LRRFIP1: variants seen among roughly 807,000 people sequenced by gnomAD.
LRRFIP1 encodes the protein leucine-rich repeat flightless-interacting protein 1.
LRRFIP1 carries 62 observed loss-of-function variants against 104.4 expected under a neutral mutation model. The observed-to-expected ratio is 0.59, with a 90% confidence interval of 0.48 to 0.73. LRRFIP1 has a LOEUF of 0.73. Among genes scored for constraint, LRRFIP1 ranks in the 30% least tolerant of loss-of-function variants. LRRFIP1 has a pLI of 0.00. For missense variants in LRRFIP1, 796 were observed against 824.5 expected (o/e 0.97, Z 0.42); for synonymous variants, 300 against 299.0 (o/e 1.00, Z -0.03).
intron 1 of LRRFIP1, chr2:237,692,424 C>T (rs557840859): frequency 6.7e-7 from 1 of 1,488,098 alleles, no homozygotes; most frequent in South Asian, 1.3e-5. Flanking sequence ...CCGAGCATTT[C>T]CCGCCGGGTG....
rs2095219355 is a variant in LRRFIP1 at position 237,735,622 on chromosome 2, C to T, written c.555+289C>T. On this transcript the variant is annotated intron_variant, in intron 10 of 23. Coordinates refer to ENST00000308482, the MANE Select transcript of LRRFIP1 (RefSeq NM_001137550.2). This position sits in a 1 kb window ranked among gnomAD's most constrained non-coding sequence, Gnocchi z 4.6. ...CCATACTAACAGGTGGTGAAACCGT[C>T]TTCGGTTAATAAAAACGGGAAAAGG... is the stretch of plus-strand genomic sequence containing the variant. The T allele has an allele frequency of 2.9e-6, 1 of 350,270 alleles. No homozygotes were observed. The highest frequency in any genetic ancestry group is 4.5e-5 in the Admixed American group (1 of 22,088). The allele number at this position is 350,270 out of a possible 1,614,324, so 21.7% of individuals were successfully genotyped here.
intron 1 of LRRFIP1, among the ~76,000 whole-genome samples, chr2:237,629,272 G>C (rs2082006385): frequency 6.6e-6 from 1 of 152,218 alleles, no homozygotes. Context: ...ATAGTAGCTT[G>C]AGTATAACTC....
intron 1 of LRRFIP1, among the ~76,000 whole-genome samples, chr2:237,688,703 CCCT>C (rs1394807560): frequency 6.6e-6 from 1 of 152,036 alleles, no homozygotes; most frequent in Non-Finnish European, 1.5e-5. Context: ...AGGTGATCCA[CCCT>C]CCTCGGCCTC....
intron 1 of LRRFIP1, among the ~76,000 whole-genome samples, chr2:237,674,630 G>T (rs1432262978): frequency 1.3e-5 from 2 of 152,246 alleles, no homozygotes; most frequent in Non-Finnish European, 2.9e-5. Flanking sequence ...TTGGGTCCAA[G>T]AATTCCCCCA....
At chr2:237,671,787 T>C (rs2090378094) in intron 1 of LRRFIP1, among the ~76,000 whole-genome samples, 2 of 151,388 alleles carry the variant, frequency 1.3e-5, no homozygotes, top group Admixed American at 1.3e-4. Context: ...CATGCCTGTG[T>C]GTGTGCAGGT....
At chr2:237,659,640 C>T (rs1025429600) in intron 1 of LRRFIP1, among the ~76,000 whole-genome samples, 1 of 147,460 alleles carries the variant, frequency 6.8e-6, no homozygotes, top group Admixed American at 6.8e-5. Flanking sequence ...TTTTTATATA[C>T]ATATAAATAT....
At chr2:237,748,143 C>A (rs1479783862) in intron 11 of LRRFIP1, among the ~76,000 whole-genome samples, 1 of 152,164 alleles carries the variant, frequency 6.6e-6, no homozygotes, top group Admixed American at 6.5e-5. Context: ...GAAGAGGGTC[C>A]TCAGGGACGT....
At chr2:237,743,034 A>AAC (rs1383997022) in intron 11 of LRRFIP1, among the ~76,000 whole-genome samples, 2 of 151,406 alleles carry the variant, frequency 1.3e-5, no homozygotes, top group African/African-American at 4.9e-5. Flanking sequence ...CAAAAAAACA[A>AAC]AAAAAAAACA....
intron 1 of LRRFIP1, among the ~76,000 whole-genome samples, chr2:237,640,821 C>T (rs186827140): frequency 6.6e-6 from 1 of 152,270 alleles, no homozygotes; most frequent in Non-Finnish European, 1.5e-5. Context: ...CTGTTCCCAG[C>T]GAGAGAAGCC....
At chr2:237,751,930 G>C (rs1381001921) in intron 14 of LRRFIP1, among the ~76,000 whole-genome samples, 2 of 152,194 alleles carry the variant, frequency 1.3e-5, no homozygotes, top group African/African-American at 4.8e-5. Context: ...ATCTGGAAGT[G>C]GGTGGCGTAT....
At chr2:237,681,675 A>ATTTTTTTTTTTT (rs1359912875) in intron 1 of LRRFIP1, among the ~76,000 whole-genome samples, 7 of 54,640 alleles carry the variant, frequency 1.3e-4, no homozygotes, top group Admixed American at 4.8e-4. Flanking sequence ...CCGCAGTCCT[A>ATTTTTTTTTTTT]TTCTTTTTTT....
rs1576275980 is a variant in LRRFIP1, at chr2:237,753,492, A to G, written c.1038+13A>G. ...AGAGAAAAACAAAGTAAGCATTAGT[A>G]TGATACAGAATGTTAACAATAGGCT... On this transcript the variant is annotated intron_variant, in intron 15 of 23. Transcript: ENST00000308482. 1 of 1,564,496 alleles carries G rather than the reference A, an allele frequency of 6.4e-7. No individual in the cohort carries two copies.
intron 19 of LRRFIP1, chr2:237,763,466 G>A (rs780223024): frequency 2.3e-5 from 37 of 1,613,162 alleles, no homozygotes; most frequent in Middle Eastern, 1.7e-4. Flanking sequence ...CCCAGTACCC[G>A]TAGAAACCCT....
At position 237,703,991 on chromosome 2, in the gene LRRFIP1, C is replaced by T. The variant is rs2093675449; in HGVS notation, c.97-4553C>T. ...CAGTCGATAAAGGATTTGTCCTGCG[C>T]CACCGGAGCACTGGCCTGAGGTGCC... On this transcript the variant is annotated intron_variant, in intron 1 of 23. Coordinates refer to ENST00000308482, the MANE Select transcript of LRRFIP1 (RefSeq NM_001137550.2). This position sits in a 1 kb window ranked among gnomAD's most constrained non-coding sequence, Gnocchi z 4.3. Among the ~76,000 whole-genome samples, 1 of 152,080 alleles carries T rather than the reference C, an allele frequency of 6.6e-6. No individual in the cohort carries two copies. The highest frequency in any genetic ancestry group is 2.1e-4 in the South Asian group (1 of 4,826).
chr2:237,628,745 G>A (rs185264186), intron 1 of LRRFIP1, among the ~76,000 whole-genome samples: 3 of 152,304 alleles, frequency 2.0e-5, no homozygotes, highest in Non-Finnish European at 2.9e-5. Context: ...TTGGACTGTG[G>A]TGTCTGGCTG....
chr2:237,636,534 T>C (rs1254924109), intron 1 of LRRFIP1, among the ~76,000 whole-genome samples: 5 of 152,172 alleles, frequency 3.3e-5, no homozygotes, highest in Non-Finnish European at 5.9e-5. Flanking sequence ...ACTCTAAGGA[T>C]ATTAAGCAAA....
intron 14 of LRRFIP1, among the ~76,000 whole-genome samples, chr2:237,752,003 G>C (rs913077333): frequency 6.6e-6 from 1 of 152,170 alleles, no homozygotes; most frequent in African/African-American, 2.4e-5. Flanking sequence ...TAATATCAAA[G>C]GGCACCAGAC....
intron 1 of LRRFIP1, among the ~76,000 whole-genome samples, chr2:237,664,311 C>T (rs2088751139): frequency 6.6e-6 from 1 of 152,258 alleles, no homozygotes; most frequent in African/African-American, 2.4e-5. Context: ...CGTTTCCATC[C>T]GCAGGTGCGC....
intron 1 of LRRFIP1, among the ~76,000 whole-genome samples, chr2:237,637,434 C>T (rs184600534): frequency 4.6e-5 from 7 of 152,218 alleles, no homozygotes; most frequent in South Asian, 2.1e-4. Flanking sequence ...CACCACTGCA[C>T]GCCATCCTGG....
Sources: gnomAD v4.1 joint callset for allele counts (sites outside exome capture counted in the v4.1 genomes callset) on GRCh38, gnomAD v4.1.1 for gene constraint, Gnocchi (gnomAD v3.1) non-coding constraint, MANE v1.5 for transcripts, NCBI Gene and HGNC (gene_info 2026-07-23, HGNC 2026-07-21) for gene names.